Variants in ZNF578 observed in about 807,000 individuals in gnomAD.
ZNF578 encodes the protein zinc finger protein 578, also known as Putative chemokine-related protein B42.
Under a neutral mutation model 8.3 loss-of-function variants are expected in ZNF578, and 8 were observed. The ratio of observed to expected loss-of-function variants is 0.96; its 90% confidence interval spans 0.56 to 1.74. ZNF578 has a LOEUF of 1.74. Among genes scored for constraint, ZNF578 ranks in the 40% most tolerant of loss-of-function variants. The pLI is 0.00. For missense variants in ZNF578, 726 were observed against 707.5 expected (o/e 1.03, Z -0.30); for synonymous variants, 206 against 232.2 (o/e 0.89, Z 1.03).
chr19:52,489,042 T>C (rs2059355849), intron 2 of ZNF578, among the ~76,000 whole-genome samples: 2 of 151,862 alleles, frequency 1.3e-5, no homozygotes, highest in Admixed American at 1.3e-4. Flanking sequence ...GAGGTTGCAG[T>C]GAGCCACGAT....
Position 52,512,095 on chromosome 19 carries a change from T to C in ZNF578, c.1714T>C (p.Cys572Arg). 6.2e-7 allele frequency: 1 copy of C among 1,613,194 alleles called. No individual in the cohort carries two copies. Among genetic ancestry groups the C allele is most frequent in the Non-Finnish European group, 8.5e-7 (1 of 1,179,750 alleles). The change falls in exon 6 of 6, where the codon TGT (cysteine) becomes CGT (arginine). Residue 572 changes from cysteine to arginine, a missense_variant. Physicochemically the swap from Cys to Arg is radical, Grantham distance 180. Coordinates refer to ENST00000421239, the MANE Select transcript of ZNF578 (RefSeq NM_001099694.2). ...AGAGAAACCTTACAAGTGTAATGAG[T>C]GTGGTAAGGCTCACAATCACTTGAT... ...SGEKPYKCNE[C>R]GKAHNHLIDS...
At chr19:52,485,378 A>G (rs544876532) in intron 2 of ZNF578, among the ~76,000 whole-genome samples, 4 of 152,272 alleles carry the variant, frequency 2.6e-5, no homozygotes, top group African/African-American at 9.6e-5. Flanking sequence ...CCGCTTTAGC[A>G]GGGATTCTTA....
intron 3 of ZNF578, among the ~76,000 whole-genome samples, chr19:52,492,325 G>A (rs1484589936): frequency 6.6e-6 from 1 of 152,086 alleles, no homozygotes; most frequent in African/African-American, 2.4e-5. Context: ...TCCGCCTCGT[G>A]CCCGCATCCC....
chr19:52,485,296 G>A (rs545785830), intron 2 of ZNF578, among the ~76,000 whole-genome samples: 7 of 152,172 alleles, frequency 4.6e-5, no homozygotes, highest in East Asian at 3.9e-4. Flanking sequence ...TGCTGGGCTC[G>A]CCCCCTCTGA....
intron 3 of ZNF578, among the ~76,000 whole-genome samples, chr19:52,492,593 G>GC (rs1156232109): frequency 6.6e-6 from 1 of 152,172 alleles, no homozygotes; most frequent in East Asian, 1.9e-4. Context: ...CAATTCCAGG[G>GC]TTTTGAATCA....
chr19:52,503,800 C>CTTTTTT (rs59166209), intron 4 of ZNF578, among the ~76,000 whole-genome samples: 16,951 of 124,914 alleles, frequency 0.14, 1,589 homozygotes, highest in Non-Finnish European at 0.19. Context: ...CCTGTGTTTG[C>CTTTTTT]TTTTTTTTTT....
intron 2 of ZNF578, chr19:52,458,754 G>A (rs1031403986): frequency 1.3e-5 from 2 of 151,636 alleles, no homozygotes; most frequent in African/African-American, 4.9e-5. Context: ...GCCTTTGTTT[G>A]TTTCATCTTG....
chr19:52,482,854 T>C (rs2059331645), intron 2 of ZNF578, among the ~76,000 whole-genome samples: 1 of 150,884 alleles, frequency 6.6e-6, no homozygotes, highest in African/African-American at 2.4e-5. Flanking sequence ...GGAGAATTAC[T>C]TGGACCTGGC....
intron 3 of ZNF578, among the ~76,000 whole-genome samples, chr19:52,493,989 CA>C (rs10713664): frequency 0.09 from 12,941 of 144,432 alleles, 811 homozygotes; most frequent in African/African-American, 0.18. Context: ...AAACTCCGTC[CA>C]AAAAAAAAAA....
intron 2 of ZNF578, among the ~76,000 whole-genome samples, chr19:52,486,702 C>A (rs1310855129): frequency 1.3e-5 from 2 of 151,598 alleles, no homozygotes; most frequent in African/African-American, 4.9e-5. Context: ...ATCTGGGGTG[C>A]CACAGGGTCG....
At chr19:52,497,605 A>C (rs572366536) in intron 3 of ZNF578, among the ~76,000 whole-genome samples, 1 of 152,292 alleles carries the variant, frequency 6.6e-6, no homozygotes, top group Non-Finnish European at 1.5e-5. Flanking sequence ...TGAACATTTT[A>C]AAATTGTTTC....
rs778511245 is a variant in ZNF578, at chr19:52,510,956, C to T, written c.575C>T (p.Thr192Ile). The change falls in exon 6 of 6, where the codon ACA becomes ATA. Residue 192 changes from threonine to isoleucine, a missense_variant. By Grantham distance (89) the Thr-to-Ile change is moderately conservative. Coordinates refer to ENST00000421239, the MANE Select transcript of ZNF578 (RefSeq NM_001099694.2). ...KSVNDASSIS[T>I]SQRISCRPET... ...GTCAACGATGCTTCCTCAATTTCAA[C>T]ATCCCAAAGAATTTCTTGTAGGCCT... 4 of 1,614,100 alleles carry T rather than the reference C, an allele frequency of 2.5e-6. No individual in the cohort carries two copies. The highest frequency in any genetic ancestry group is 3.4e-6 in the Non-Finnish European group (4 of 1,180,050).
At chr19:52,502,327 T>A (rs2059410837) in intron 4 of ZNF578, among the ~76,000 whole-genome samples, 1 of 152,178 alleles carries the variant, frequency 6.6e-6, no homozygotes, top group African/African-American at 2.4e-5. Flanking sequence ...TGTGGCAAAT[T>A]CTGGGAAAGG....
At position 52,516,374 on chromosome 19, in the gene ZNF578, T is replaced by C. The variant is rs1341205989; in HGVS notation, c.*4220T>C. 6.6e-6 allele frequency among the ~76,000 whole-genome samples: 1 copy of C among 152,088 alleles called. No homozygotes were observed. Among genetic ancestry groups the C allele is most frequent in the Non-Finnish European group, 1.5e-5 (1 of 67,990 alleles). On this transcript the variant is annotated 3_prime_UTR_variant, in exon 6 of 6. Coordinates refer to ENST00000421239, the MANE Select transcript of ZNF578 (RefSeq NM_001099694.2). ...AGCCCAGTTCCCAACTGCTGCAGCA[T>C]GTGTGTGTGGGCTTCTCCAGAAGGG...
At chr19:52,465,664 C>T (rs1233690460) in intron 2 of ZNF578, among the ~76,000 whole-genome samples, 1 of 152,226 alleles carries the variant, frequency 6.6e-6, no homozygotes, top group Admixed American at 6.5e-5. Context: ...TGTTCCACAG[C>T]ATGAAACAAA....
At chr19:52,478,124 GCCAATTTAAATT>G (rs1266217442) in intron 2 of ZNF578, among the ~76,000 whole-genome samples, 1 of 152,206 alleles carries the variant, frequency 6.6e-6, no homozygotes, top group Non-Finnish European at 1.5e-5. Flanking sequence ...CACATTTCTT[GCCAATTTAAATT>G]CCATGTCAGG....
In ZNF578 at chr19:52,511,496, A is replaced by C. The variant is rs2059446410; in HGVS notation, c.1115A>C (p.Lys372Thr). 6.2e-7 allele frequency: 1 copy of C among 1,614,056 alleles called. No individual in the cohort carries two copies. The highest frequency in any genetic ancestry group is 8.5e-7 in the Non-Finnish European group (1 of 1,179,940). The change falls in exon 6 of 6, where the codon AAG (lysine) becomes ACG (threonine). Residue 372 changes from lysine (K) to threonine (T), a missense_variant. Lys to Thr is a moderately conservative substitution (Grantham distance 78). Transcript: ENST00000421239. ...CTTCATACTGGAATAAAACCTTACA[A>C]GTGTAATGAGTGTGGCAAGATGTTT... ...RRLHTGIKPYKCNECGKMFGQ... is the reference protein window; with the variant it reads ...RRLHTGIKPYTCNECGKMFGQ...
At chr19:52,477,399 G>A (rs1051223133) in intron 2 of ZNF578, among the ~76,000 whole-genome samples, 41 of 152,162 alleles carry the variant, frequency 2.7e-4, no homozygotes, top group African/African-American at 9.9e-4. Context: ...CCTGATGGGG[G>A]TACGATTCTG....
chr19:52,467,427 A>G (rs575055990), intron 2 of ZNF578, among the ~76,000 whole-genome samples: 2 of 152,078 alleles, frequency 1.3e-5, no homozygotes, highest in African/African-American at 4.8e-5. Flanking sequence ...GCAAAGCACT[A>G]TCTCAAAAAA....
Sources: allele counts gnomAD v4.1 joint callset (sites outside exome capture counted in the v4.1 genomes callset), GRCh38; gene constraint gnomAD v4.1.1; transcripts MANE v1.5; gene names NCBI Gene and HGNC (gene_info 2026-07-23, HGNC 2026-07-21).